TARDBP: variants seen among roughly 807,000 people sequenced by gnomAD.
The protein encoded by TARDBP is TAR DNA-binding protein 43.
Under a neutral mutation model 38.3 loss-of-function variants are expected in TARDBP, and 4 were observed. That is an observed-to-expected ratio of 0.10 (90% CI 0.05 to 0.24). TARDBP has a LOEUF of 0.24. TARDBP is among the 10% of genes least tolerant of loss of function. TARDBP has a pLI of 1.00. For synonymous variants in TARDBP, 184 were observed against 183.8 expected, an observed-to-expected ratio of 1.00 and a Z score of -0.01; for missense variants, 202 against 521.9, an observed-to-expected ratio of 0.39 and a Z score of 5.97.
intron 4 of TARDBP, 76 bp from the exon 5 acceptor site, chr1:11,020,353 A>G (rs1348385475): frequency 6.4e-7 from 1 of 1,570,102 alleles, no homozygotes; most frequent in South Asian, 1.1e-5. Context: ...TGATTTTGTT[A>G]TATCCCTTAC....
At chr1:11,025,595 GAAAAT>G (rs1190982870), downstream of TARDBP, 1 of 151,824 alleles carries the variant, frequency 6.6e-6, no homozygotes, top group Non-Finnish European at 1.5e-5. Flanking sequence ...AAAGAAAAAA[GAAAAT>G]AATAAAAATT....
chr1:11,027,748 A>G (rs1179467013), downstream of TARDBP: 95 of 1,263,936 alleles, frequency 7.5e-5, no homozygotes, highest in South Asian at 1.3e-3. Flanking sequence ...ATGTCAACCA[A>G]AAATTATATT....
downstream of TARDBP, among the ~76,000 whole-genome samples, chr1:11,028,839 G>C (rs1202031685): frequency 1.3e-5 from 2 of 150,384 alleles, no homozygotes; most frequent in Non-Finnish European, 3.0e-5. Context: ...TCAGCCTCCT[G>C]AGTAGCTGGG....
downstream of TARDBP, chr1:11,030,362 G>A: frequency 5.6e-6 from 4 of 714,226 alleles, no homozygotes; most frequent in South Asian, 3.4e-5. Context: ...GGGACATAGA[G>A]GTGTCTGAAG....
At chr1:11,021,865 C>T (rs904254526) in intron 5 of TARDBP, among the ~76,000 whole-genome samples, 1 of 151,850 alleles carries the variant, frequency 6.6e-6, no homozygotes, top group Non-Finnish European at 1.5e-5. Flanking sequence ...AGTCCTCCCA[C>T]CTTGGCCTCC....
Position 11,013,660 on chromosome 1 carries a change from A to G in TARDBP, c.-12-56A>G, listed in dbSNP as rs572682145. ...GACATGGTTTGGGTATTATCATTATAAGGAAACAGTTATTCTGACATGAAT... is the reference window on the plus strand; with the variant it reads ...GACATGGTTTGGGTATTATCATTATGAGGAAACAGTTATTCTGACATGAAT... On this transcript the variant is annotated intron_variant, in intron 1 of 5. Transcript: ENST00000240185. The G allele has an allele frequency of 1.0e-5, 14 of 1,404,564 alleles. No homozygotes were observed. In the East Asian group the frequency reaches 2.9e-4, roughly 29 times the overall value. 87.0% of individuals were successfully genotyped at this position (1,404,564 alleles called of 1,614,324 possible). A position where few individuals can be genotyped will look rare whatever the true frequency, so the allele number is the denominator to read the frequency against.
Position 11,018,754 on chromosome 1 carries a change from G to T in TARDBP, c.424G>T (p.Gly142Cys). Reference protein sequence around the residue: ...MVQVKKDLKTGHSKGFGFVRF... With the variant: ...MVQVKKDLKTCHSKGFGFVRF... Reference sequence around the variant, plus strand: ...CTAGGTCAAGAAAGATCTTAAGACTGGTCATTCAAAGGGGTTTGGCTTTGT... The same window carrying T: ...CTAGGTCAAGAAAGATCTTAAGACTTGTCATTCAAAGGGGTTTGGCTTTGT... Residue 142 changes from glycine to cysteine, a missense_variant, in exon 4 of 6, where the codon GGT (glycine) becomes TGT (cysteine). Gly to Cys is a radical substitution (Grantham distance 159, BLOSUM62 -3). Around this residue, in one of 5 missense-constraint regions of TARDBP, gnomAD observed 71 missense variants for 185.4 expected, o/e 0.38. Coordinates refer to ENST00000240185, the MANE Select transcript of TARDBP (RefSeq NM_007375.4). 6.2e-7 allele frequency: 1 copy of T among 1,614,174 alleles called. No individual in the cohort carries two copies. Among genetic ancestry groups the T allele is most frequent in the Non-Finnish European group, 8.5e-7 (1 of 1,180,032 alleles).
downstream of TARDBP, chr1:11,026,660 A>T: frequency 2.7e-6 from 1 of 374,394 alleles, no homozygotes; most frequent in Non-Finnish European, 4.7e-6. Context: ...GTGGGCAAAG[A>T]TGACTGTCAC....
downstream of TARDBP, chr1:11,030,283 CT>C (rs1557666925): frequency 6.8e-7 from 1 of 1,471,778 alleles, no homozygotes; most frequent in East Asian, 2.3e-5. Flanking sequence ...AAATGTTTAA[CT>C]GCATGTATAA....
At chr1:11,015,518 C>T (rs1643504172) in intron 2 of TARDBP, 1 of 149,772 alleles carries the variant, frequency 6.7e-6, no homozygotes, top group South Asian at 2.1e-4. Flanking sequence ...TAATTTATCT[C>T]CCCAGGCTGG....
At position 11,014,030 on chromosome 1, in the gene TARDBP, A is replaced by C. The variant is rs1221024142; in HGVS notation, c.238+65A>C. 8.7e-6 allele frequency: 13 copies of C among 1,499,664 alleles called. No individual in the cohort carries two copies. In the Admixed American group the frequency reaches 1.3e-4, roughly 15 times the overall value. 92.9% of individuals were successfully genotyped at this position (1,499,664 alleles called of 1,614,324 possible). On this transcript the variant is annotated intron_variant, in intron 2 of 5. Coordinates refer to ENST00000240185, the MANE Select transcript of TARDBP (RefSeq NM_007375.4). The stretch of plus-strand genomic sequence containing the variant: ...GTTCAGGTGTGTGTCTCATCCATGG[A>C]TCTTAGCCTCTTTTGGTGGCAGAAT...
intron 2 of TARDBP, 91 bp from the exon 3 acceptor site, chr1:11,016,753 T>A: frequency 7.4e-7 from 1 of 1,359,314 alleles, no homozygotes; most frequent in Non-Finnish European, 1.0e-6. Flanking sequence ...TAGAGTCTTC[T>A]TTTTGCTTCT....
chr1:11,016,451 T>C (rs1179858545), intron 2 of TARDBP, among the ~76,000 whole-genome samples: 2 of 152,198 alleles, frequency 1.3e-5, no homozygotes, highest in African/African-American at 4.8e-5. Context: ...TGGTTTTCTG[T>C]TTTATTACAA....
At chr1:11,015,899 C>G (rs1020062905) in intron 2 of TARDBP, among the ~76,000 whole-genome samples, 1 of 150,436 alleles carries the variant, frequency 6.6e-6, no homozygotes, top group African/African-American at 2.4e-5. Context: ...CCTGCCACCA[C>G]GCCTGGCTAA....
rs184303021 is a variant in TARDBP at position 11,023,735 on chromosome 1, C to T, written c.*1081C>T. ...TAAGTGAAATGATACTTGTACTCCC[C>T]CTACCCCTTTGTCAACTGCTGTGAA... On this transcript the variant is annotated 3_prime_UTR_variant, in exon 6 of 6. Transcript: ENST00000240185. The T allele has an allele frequency of 5.3e-4, 87 of 162,818 alleles. No individual in the cohort carries two copies. The highest frequency in any genetic ancestry group is 1.0e-3 in the Non-Finnish European group (74 of 74,118). 10.1% of individuals were successfully genotyped at this position (162,818 alleles called of 1,614,324 possible).
downstream of TARDBP, chr1:11,030,367 C>CTG (rs1643823834): frequency 5.8e-6 from 4 of 687,158 alleles, no homozygotes; most frequent in South Asian, 7.1e-5. Context: ...ATAGAGGTGT[C>CTG]TGAAGAACCA....
At chr1:11,018,513 A>G (rs1643574285) in intron 3 of TARDBP, 2 of 629,106 alleles carry the variant, frequency 3.2e-6, no homozygotes, top group Non-Finnish European at 5.4e-6. Flanking sequence ...TAAAAAACTC[A>G]AAAACATTTC....
intron 1 of TARDBP, among the ~76,000 whole-genome samples, chr1:11,013,378 A>G (rs1220443159): frequency 6.6e-6 from 1 of 152,222 alleles, no homozygotes; most frequent in African/African-American, 2.4e-5. Flanking sequence ...GACTAACCCG[A>G]TTGTCATAAA....
Position 11,023,597 on chromosome 1 carries a change from C to G in TARDBP, c.*943C>G. 3.0e-6 allele frequency: 1 copy of G among 332,000 alleles called. No homozygotes were observed. 20.6% of individuals were successfully genotyped at this position (332,000 alleles called of 1,614,324 possible). A position where few individuals can be genotyped will look rare whatever the true frequency, so the allele number is the denominator to read the frequency against. On this transcript the variant is annotated 3_prime_UTR_variant, in exon 6 of 6. Transcript: ENST00000240185. ...CTTTGGTGAGAGAGTGTGCAGAGAG[C>G]AATGATAGCAAATAATGTACGAATG...
Sources: allele counts gnomAD v4.1 joint callset (sites outside exome capture counted in the v4.1 genomes callset), GRCh38; gene constraint gnomAD v4.1.1; regional missense constraint gnomAD v4.1.1; transcripts MANE v1.5; gene names NCBI Gene and HGNC (gene_info 2026-07-23, HGNC 2026-07-21).